Variants in CAP1 observed in about 807,000 individuals in gnomAD.
The protein encoded by CAP1 is adenylyl cyclase-associated protein 1.
In CAP1, 11 loss-of-function variants were observed where a neutral mutation model predicts 58.2. The observed-to-expected ratio is 0.19, with a 90% CI of 0.12 to 0.31. The LOEUF (loss-of-function observed/expected upper bound fraction) is 0.31. Ranked by LOEUF, CAP1 falls within the 10% of genes least tolerant of loss-of-function variation. CAP1 has a pLI of 1.00. For synonymous variants in CAP1, 183 were observed against 213.8 expected, an observed-to-expected ratio of 0.86 and a Z score of 1.26; for missense variants, 423 against 587.5, an observed-to-expected ratio of 0.72 and a Z score of 2.89.
At chr1:40,067,063 A>C (rs544414565) in intron 7 of CAP1, among the ~76,000 whole-genome samples, 2 of 152,358 alleles carry the variant, frequency 1.3e-5, no homozygotes, top group African/African-American at 4.8e-5. Context: ...AAACATTTGC[A>C]GGAGATAGCA....
At chr1:40,042,248 T>C (rs1645871313) in intron 1 of CAP1, among the ~76,000 whole-genome samples, 1 of 152,136 alleles carries the variant, frequency 6.6e-6, no homozygotes, top group Admixed American at 6.5e-5. Context: ...TGGCAAAGAA[T>C]ACAGTTCTTC....
rs748687235 is a variant in CAP1, at chr1:40,066,334, TCCTC to T, written c.630+33_630+36del. The T allele has an allele frequency of 8.6e-5, 119 of 1,389,972 alleles. No homozygotes were observed. Among genetic ancestry groups the T allele is most frequent in the Non-Finnish European group, 9.9e-5 (97 of 977,472 alleles). 86.1% of individuals were successfully genotyped at this position (1,389,972 alleles called of 1,614,324 possible). ...TGGAGCAAAACGGTTAGTGAATCCT[TCCTC>T]CCTCCCTCCCTCCCTCCCACTTTCT... is the stretch of plus-strand genomic sequence containing the variant. On this transcript the variant is annotated intron_variant, in intron 7 of 12. Coordinates refer to ENST00000372805, the MANE Select transcript of CAP1 (RefSeq NM_006367.4).
chr1:40,046,795 C>T (rs1406661486), intron 1 of CAP1, among the ~76,000 whole-genome samples: 2 of 143,076 alleles, frequency 1.4e-5, no homozygotes, highest in Non-Finnish European at 3.0e-5. Flanking sequence ...TTTTTTGAGA[C>T]GGAGTCTCAC....
chr1:40,043,952 T>C (rs1645963478), intron 1 of CAP1, among the ~76,000 whole-genome samples: 1 of 152,164 alleles, frequency 6.6e-6, no homozygotes, highest in Non-Finnish European at 1.5e-5. Context: ...ATAATTGATA[T>C]CTCAGAGAAG....
chr1:40,044,396 C>A (rs750314598), intron 1 of CAP1, among the ~76,000 whole-genome samples: 1 of 152,128 alleles, frequency 6.6e-6, no homozygotes. Context: ...CGGTATCTTA[C>A]CCAATTTTAG....
At chr1:40,070,578 C>T in intron 11 of CAP1, 66 bp downstream of exon 11, 1 of 1,273,564 alleles carries the variant, frequency 7.9e-7, no homozygotes, top group Non-Finnish European at 1.1e-6. Flanking sequence ...CATGGTAGAC[C>T]CACAGATGTT....
chr1:40,050,240 C>T (rs1393386584), intron 1 of CAP1, among the ~76,000 whole-genome samples: 2 of 151,878 alleles, frequency 1.3e-5, no homozygotes, highest in Admixed American at 1.3e-4. Flanking sequence ...GCTAGACTCC[C>T]TTAGGACAGG....
chr1:40,051,731 G>A (rs1400089194), intron 1 of CAP1, among the ~76,000 whole-genome samples: 2 of 150,514 alleles, frequency 1.3e-5, no homozygotes, highest in Non-Finnish European at 2.9e-5. Flanking sequence ...CCCTGCCACC[G>A]TGCCTGGCTA....
At chr1:40,071,070 C>A in intron 12 of CAP1, 91 bp downstream of exon 12, 1 of 1,254,634 alleles carries the variant, frequency 8.0e-7, no homozygotes, top group Non-Finnish European at 1.1e-6. Context: ...GAACATTCTG[C>A]ACTGAGCAGG....
chr1:40,044,264 A>G (rs558577907), intron 1 of CAP1, among the ~76,000 whole-genome samples: 1 of 152,144 alleles, frequency 6.6e-6, no homozygotes, highest in South Asian at 2.1e-4. Flanking sequence ...TCCTCCTTTC[A>G]GTTTTTTGTG....
chr1:40,051,790 C>T (rs539877862), intron 1 of CAP1, among the ~76,000 whole-genome samples: 272 of 152,152 alleles, frequency 1.8e-3, no homozygotes, highest in African/African-American at 6.1e-3. Context: ...AGGATGGTCT[C>T]GATCTCCTGA....
At chr1:40,066,824 C>A (rs1037155482) in intron 7 of CAP1, among the ~76,000 whole-genome samples, 3 of 152,068 alleles carry the variant, frequency 2.0e-5, no homozygotes, top group African/African-American at 7.2e-5. Flanking sequence ...AAAATACATG[C>A]AGAGTAAATG....
In CAP1 at chr1:40,067,600, C is replaced by T. The variant is rs774735950; in HGVS notation, c.691C>T (p.Pro231Ser). Residue 231 changes from proline (P) to serine (S), a missense_variant, in exon 8 of 13, where the codon CCT (proline) becomes TCT (serine). Coordinates refer to ENST00000372805, the MANE Select transcript of CAP1 (RefSeq NM_006367.4). ...TGGACCCTCTGCCGGATCATGTCCTCCTCCCCCTCCACCATGCCCCCCTCC... is the reference window on the plus strand; with the variant it reads ...TGGACCCTCTGCCGGATCATGTCCTTCTCCCCCTCCACCATGCCCCCCTCC... ...PSGPSAGSCP[P>S]PPPPCPPPPP... 6.2e-6 allele frequency: 10 copies of T among 1,600,878 alleles called. No individual in the cohort carries two copies. In the South Asian group the frequency reaches 8.8e-5, roughly 14 times the overall value.
In CAP1 at chr1:40,070,256, A is replaced by G. The variant is rs1233332314; in HGVS notation, c.1091A>G (p.Lys364Arg). Residue 364 changes from lysine to arginine, a missense_variant, in exon 10 of 13, where the codon AAG becomes AGG. Coordinates refer to ENST00000372805, the MANE Select transcript of CAP1 (RefSeq NM_006367.4). ...YKCVNTTLQI[K>R]GKINSITVDN... is the part of the protein sequence containing the mutation. Reference sequence around the variant, plus strand: ...TGTGTCAACACGACATTGCAAATCAAGGGCAAAATTAACTCCATTACAGTA... The same window carrying G: ...TGTGTCAACACGACATTGCAAATCAGGGGCAAAATTAACTCCATTACAGTA... 1 of 1,614,234 alleles carries G rather than the reference A, an allele frequency of 6.2e-7. No individual in the cohort carries two copies. The highest frequency in any genetic ancestry group is 8.5e-7 in the Non-Finnish European group (1 of 1,180,036).
At chr1:40,042,947 TAGAG>T in intron 1 of CAP1, among the ~76,000 whole-genome samples, 1 of 152,196 alleles carries the variant, frequency 6.6e-6, no homozygotes, top group East Asian at 1.9e-4. Flanking sequence ...ACCATTCAGA[TAGAG>T]AGTATGAGAG....
At chr1:40,052,742 C>T (rs1394902422) in intron 1 of CAP1, among the ~76,000 whole-genome samples, 8 of 151,790 alleles carry the variant, frequency 5.3e-5, no homozygotes, top group Non-Finnish European at 1.2e-4. Flanking sequence ...TCTCATCTAT[C>T]CTGAATGTGA....
chr1:40,041,449 C>T (rs1645825879), intron 1 of CAP1: 2 of 152,226 alleles, frequency 1.3e-5, no homozygotes, highest in Admixed American at 1.3e-4. Flanking sequence ...TCCCTTTCCT[C>T]CTCGGCTGCT....
chr1:40,045,087 T>G (rs1646030948), intron 1 of CAP1, among the ~76,000 whole-genome samples: 1 of 151,936 alleles, frequency 6.6e-6, no homozygotes, highest in African/African-American at 2.4e-5. Flanking sequence ...CCTGGCCATA[T>G]AATTCTTTAT....
In CAP1 at chr1:40,071,795, G is replaced by A. The variant is rs1648095287; in HGVS notation, c.*262G>A. 5.8e-6 allele frequency: 3 copies of A among 518,084 alleles called. No homozygotes were observed. The highest frequency in any genetic ancestry group is 1.0e-5 in the Non-Finnish European group (3 of 292,526). The allele number at this position is 518,084 out of a possible 1,614,324, so 32.1% of individuals were successfully genotyped here. A position where few individuals can be genotyped will look rare whatever the true frequency, so the allele number is the denominator to read the frequency against. ...GCCAGTCCATTCTTAAGGAACTGCC[G>A]ACTAGGACTGATGATGCATTTTAGC... On this transcript the variant is annotated 3_prime_UTR_variant, in exon 13 of 13. Transcript: ENST00000372805.
Sources: allele counts gnomAD v4.1 joint callset (sites outside exome capture counted in the v4.1 genomes callset), GRCh38; gene constraint gnomAD v4.1.1; transcripts MANE v1.5; gene names NCBI Gene and HGNC (gene_info 2026-07-23, HGNC 2026-07-21).